Variants in PTPRK observed in about 807,000 individuals in gnomAD.
PTPRK encodes the protein receptor-type tyrosine-protein phosphatase kappa.
A neutral mutation model predicts 178.0 loss-of-function variants in PTPRK; 75 were observed. The observed-to-expected ratio is 0.42, with a 90% CI of 0.35 to 0.51. The LOEUF is 0.51. Among genes scored for constraint, PTPRK ranks in the 20% least tolerant of loss-of-function variants. PTPRK has a pLI of 0.02. For missense variants in PTPRK, 1,441 were observed against 1,797.8 expected (o/e 0.80, Z 3.59); for synonymous variants, 637 against 620.6 (o/e 1.03, Z -0.39).
intron 6 of PTPRK, among the ~76,000 whole-genome samples, chr6:128,202,071 A>G (rs1806060894): frequency 6.6e-6 from 1 of 152,222 alleles, no homozygotes; most frequent in Admixed American, 6.5e-5. Context: ...ATAAAAGCAG[A>G]TGCCATCTGT....
intron 3 of PTPRK, among the ~76,000 whole-genome samples, chr6:128,305,066 T>C (rs1173244064): frequency 6.6e-6 from 1 of 152,172 alleles, no homozygotes; most frequent in Non-Finnish European, 1.5e-5. Context: ...ATTCTTTTCT[T>C]GAATGCTATA....
chr6:128,005,168 G>T lies in PTPRK; in HGVS notation c.2410C>A (p.Arg804=). Residue 804 remains arginine, a synonymous_variant, in exon 15 of 30, where the codon CGA becomes AGA. Transcript: ENST00000368226. The part of the protein sequence containing the change: ...EMTHMVNAMD[R]SYADQSTLHA... ...AGAGTGCTCTGATCAGCATAACTTC[G>T]ATCCATTGCATTCACCATGTGAGTC... The T allele has an allele frequency of 6.2e-7, 1 of 1,611,638 alleles. No individual in the cohort carries two copies. Among genetic ancestry groups the T allele is most frequent in the Non-Finnish European group, 8.5e-7 (1 of 1,178,546 alleles).
intron 2 of PTPRK, among the ~76,000 whole-genome samples, chr6:128,324,264 T>C (rs1199735013): frequency 6.6e-6 from 1 of 152,142 alleles, no homozygotes; most frequent in Non-Finnish European, 1.5e-5. Flanking sequence ...CTTCTGAATG[T>C]CAACTTTAAA....
At chr6:128,242,490 T>C (rs1184668962) in intron 4 of PTPRK, 31 bp downstream of exon 4, 4 of 1,603,396 alleles carry the variant, frequency 2.5e-6, no homozygotes, top group Admixed American at 1.7e-5. Context: ...GGAAAGGACA[T>C]AGAAAAATAC....
At chr6:128,474,197 CAAA>C (rs1851085404) in intron 1 of PTPRK, among the ~76,000 whole-genome samples, 4 of 151,930 alleles carry the variant, frequency 2.6e-5, no homozygotes, top group Admixed American at 2.6e-4. Flanking sequence ...AACAAACAAA[CAAA>C]CAAACCCTGA....
intron 1 of PTPRK, among the ~76,000 whole-genome samples, chr6:128,514,554 C>G (rs1283327764): frequency 4.6e-5 from 7 of 152,188 alleles, no homozygotes; most frequent in Non-Finnish European, 1.0e-4. Context: ...GAGGATTCAG[C>G]CAGCACTGCC....
chr6:128,149,666 T>C (rs1365279868), intron 7 of PTPRK, among the ~76,000 whole-genome samples: 1 of 152,088 alleles, frequency 6.6e-6, no homozygotes, highest in Admixed American at 6.6e-5. Context: ...GCATGCAGAG[T>C]ACTTGGTAAA....
chr6:128,032,631 T>A (rs1333736222), intron 13 of PTPRK, among the ~76,000 whole-genome samples: 1 of 152,254 alleles, frequency 6.6e-6, no homozygotes, highest in African/African-American at 2.4e-5. Flanking sequence ...ACTGTAAGGG[T>A]GAAAACATTC....
chr6:128,473,404 A>ATTTTTTTTTTTTTTT (rs67418131), intron 1 of PTPRK, among the ~76,000 whole-genome samples: 1 of 90,872 alleles, frequency 1.1e-5, no homozygotes, highest in Non-Finnish European at 2.1e-5. Flanking sequence ...TATGGTTACT[A>ATTTTTTTTTTTTTTT]TTTTTTTTTT....
chr6:128,206,140 T>C (rs1806917820), intron 6 of PTPRK, among the ~76,000 whole-genome samples: 1 of 151,988 alleles, frequency 6.6e-6, no homozygotes, highest in Admixed American at 6.6e-5. Flanking sequence ...ATAAATCCAA[T>C]AATTAACACA....
chr6:128,201,872 T>C (rs1471384499), intron 6 of PTPRK, among the ~76,000 whole-genome samples: 1 of 152,182 alleles, frequency 6.6e-6, no homozygotes, highest in African/African-American at 2.4e-5. Flanking sequence ...AGTAACACAG[T>C]AGTAAGAATC....
chr6:128,031,075 T>TA (rs1346458825), intron 13 of PTPRK, among the ~76,000 whole-genome samples: 2 of 152,106 alleles, frequency 1.3e-5, no homozygotes, highest in Admixed American at 1.3e-4. Flanking sequence ...AGTAGAAATT[T>TA]AAAAAATAAA....
intron 7 of PTPRK, among the ~76,000 whole-genome samples, chr6:128,163,870 T>G (rs550575035): frequency 4.4e-4 from 66 of 151,604 alleles, no homozygotes; most frequent in Middle Eastern, 3.4e-3. Context: ...CTACTAACAC[T>G]ATTGTAGTTT....
intron 1 of PTPRK, among the ~76,000 whole-genome samples, chr6:128,439,498 T>C (rs1224324492): frequency 1.3e-5 from 2 of 152,210 alleles, no homozygotes; most frequent in Non-Finnish European, 2.9e-5. Flanking sequence ...TTTCAGATAA[T>C]AGAATCTCCT....
intron 2 of PTPRK, among the ~76,000 whole-genome samples, chr6:128,357,925 C>T (rs578152189): frequency 6.6e-6 from 1 of 152,256 alleles, no homozygotes; most frequent in South Asian, 2.1e-4. Flanking sequence ...ACAGACATTA[C>T]ATCATTCAGT....
intron 1 of PTPRK, among the ~76,000 whole-genome samples, chr6:128,473,957 T>C (rs1851055984): frequency 1.3e-5 from 2 of 152,132 alleles, no homozygotes; most frequent in Admixed American, 1.3e-4. Flanking sequence ...TCTGAATTTT[T>C]AGTCTGTTCA....
At chr6:128,362,020 C>T (rs373419381) in intron 2 of PTPRK, among the ~76,000 whole-genome samples, 4 of 152,050 alleles carry the variant, frequency 2.6e-5, no homozygotes, top group East Asian at 1.9e-4. Context: ...AAAGGGGACA[C>T]TTTATATGTT....
At chr6:128,094,738 G>C (rs1425619986) in intron 7 of PTPRK, among the ~76,000 whole-genome samples, 4 of 152,172 alleles carry the variant, frequency 2.6e-5, no homozygotes, top group Non-Finnish European at 2.9e-5. Context: ...GCATTAAGAA[G>C]AGAAAGAGGT....
chr6:128,187,969 A>C (rs1365082127), intron 6 of PTPRK, among the ~76,000 whole-genome samples: 2 of 152,166 alleles, frequency 1.3e-5, no homozygotes, highest in African/African-American at 4.8e-5. Context: ...TATTCATTTC[A>C]ATAAATTATG....
Sources: allele counts gnomAD v4.1 joint callset (sites outside exome capture counted in the v4.1 genomes callset), GRCh38; gene constraint gnomAD v4.1.1; transcripts MANE v1.5; gene names NCBI Gene and HGNC (gene_info 2026-07-23, HGNC 2026-07-21).